The following PCNT variants were observed in gnomAD, a reference collection of about 807,000 sequenced individuals.
PCNT encodes the protein pericentrin.
A neutral mutation model predicts 380.4 loss-of-function variants in PCNT; 319 were observed. The observed-to-expected ratio is 0.84, with a 90% CI of 0.77 to 0.92. PCNT has a LOEUF of 0.92. PCNT is among the 40% of genes least tolerant of loss of function. PCNT has a pLI of 0.00. For synonymous variants in PCNT, 1,845 were observed against 1,735.2 expected, an observed-to-expected ratio of 1.06 and a Z score of -1.57; for missense variants, 4,400 against 4,255.3, an observed-to-expected ratio of 1.03 and a Z score of -0.95.
chr21:46,326,790 G>T (rs1459608706), intron 2 of PCNT, among the ~76,000 whole-genome samples: 1 of 152,096 alleles, frequency 6.6e-6, no homozygotes, highest in Non-Finnish European at 1.5e-5. Context: ...GAGGCAGGCG[G>T]ATCACCTGAG....
In PCNT at chr21:46,416,771, G is replaced by C; in HGVS notation, c.6853G>C (p.Ala2285Pro). Residue 2285 changes from alanine to proline, a missense_variant, in exon 30 of 47, where the codon GCA (alanine) becomes CCA (proline). By Grantham distance (27) the Ala-to-Pro change is conservative. Coordinates refer to ENST00000359568, the MANE Select transcript of PCNT (RefSeq NM_006031.6). ...GLLCSPGVSAAALALQWAESP... is the reference protein window; with the variant it reads ...GLLCSPGVSAPALALQWAESP... ...GCTTTGTTCCCCAGGCGTGTCTGCA[G>C]CAGCGCTGGCACTGCAGTGGGCCGA... 1 of 1,603,410 alleles carries C rather than the reference G, an allele frequency of 6.2e-7. No homozygotes were observed. The highest frequency in any genetic ancestry group is 1.7e-5 in the Admixed American group (1 of 59,734).
At chr21:46,424,913 A>G (rs1456609129) in intron 32 of PCNT, among the ~76,000 whole-genome samples, 1 of 152,130 alleles carries the variant, frequency 6.6e-6, no homozygotes, top group Non-Finnish European at 1.5e-5. Flanking sequence ...TTGGTTTCAC[A>G]CTTTAGTGTT....
intron 31 of PCNT, 137 bp downstream of exon 31, chr21:46,418,443 C>G: frequency 1.5e-6 from 1 of 679,050 alleles, no homozygotes; most frequent in Non-Finnish European, 2.7e-6. Context: ...TGCGCTTTGT[C>G]GGGCGTGCAC....
At chr21:46,349,212 G>A (rs2084180643) in intron 7 of PCNT, 26 bp downstream of exon 7, 1 of 1,592,094 alleles carries the variant, frequency 6.3e-7, no homozygotes, top group Non-Finnish European at 8.6e-7. Flanking sequence ...GAGCAAGTTT[G>A]GAGTGGGACT....
In PCNT at chr21:46,443,847, CAG is replaced by C. The variant is rs1432712043; in HGVS notation, c.9743_9744del (p.Glu3248ValfsTer87). ...ARQPQSPPRT[R>X]ESPPTRDVPS... ...GACAGCCGCAGTCTCCACCCAGAAC[CAG>C]AGAGTCCCCCCCAACCCGGGATGTA... On this transcript the variant is annotated frameshift_variant, in exon 45 of 47. Transcript: ENST00000359568. LOFTEE classifies it high-confidence loss of function. 11 of 1,613,392 alleles carry C rather than the reference CAG, an allele frequency of 6.8e-6. No individual in the cohort carries two copies. Among genetic ancestry groups the C allele is most frequent in the East Asian group, 4.5e-5 (2 of 44,894 alleles).
chr21:46,441,101 T>C lies in PCNT; in HGVS notation c.9623+17T>C. 1 of 1,486,144 alleles carries C rather than the reference T, an allele frequency of 6.7e-7. No individual in the cohort carries two copies. Among genetic ancestry groups the C allele is most frequent in the Non-Finnish European group, 9.4e-7 (1 of 1,063,150 alleles). The allele number at this position is 1,486,144 out of a possible 1,614,324, so 92.1% of individuals were successfully genotyped here. A position where few individuals can be genotyped will look rare whatever the true frequency, so the allele number is the denominator to read the frequency against. On this transcript the variant is annotated intron_variant, in intron 43 of 46. Transcript: ENST00000359568. Reference sequence around the variant, plus strand: ...AATATTAAGGTAAATGCCATGACGTTCAGTCAGTGCGTTCCGCGTCTGTCT... The same window carrying C: ...AATATTAAGGTAAATGCCATGACGTCCAGTCAGTGCGTTCCGCGTCTGTCT...
intron 15 of PCNT, among the ~76,000 whole-genome samples, chr21:46,374,183 C>CG (rs1463939131): frequency 1.3e-5 from 2 of 152,130 alleles, no homozygotes; most frequent in Admixed American, 1.3e-4. Flanking sequence ...AGCAAGCCCC[C>CG]GGTCCCGCTG....
chr21:46,343,290 A>G (rs540708161), intron 3 of PCNT, among the ~76,000 whole-genome samples: 2 of 152,204 alleles, frequency 1.3e-5, no homozygotes, highest in South Asian at 4.2e-4. Flanking sequence ...TTTGTCATGA[A>G]TGGCTTTTAT....
chr21:46,379,202 G>A (rs1257367672), intron 15 of PCNT, among the ~76,000 whole-genome samples: 3 of 152,172 alleles, frequency 2.0e-5, no homozygotes, highest in East Asian at 3.9e-4. Context: ...AGTGCTGCGT[G>A]GGCTCTCCGC....
chr21:46,421,821 G>T (rs1018518437), intron 31 of PCNT, 149 bp from the exon 32 acceptor site: 2 of 865,320 alleles, frequency 2.3e-6, no homozygotes, highest in Admixed American at 2.3e-5. Context: ...CATTTTTGGG[G>T]CCATCAGTGT....
intron 3 of PCNT, among the ~76,000 whole-genome samples, chr21:46,343,220 C>T (rs970742939): frequency 6.6e-6 from 1 of 152,170 alleles, no homozygotes; most frequent in African/African-American, 2.4e-5. Context: ...GCATCCTTGT[C>T]TTTTTCCAGT....
chr21:46,398,933 C>G (rs1278658416), intron 24 of PCNT, among the ~76,000 whole-genome samples: 3 of 151,510 alleles, frequency 2.0e-5, no homozygotes, highest in Non-Finnish European at 2.9e-5. Flanking sequence ...CATTCTCCTG[C>G]CTCAGCCTCC....
At chr21:46,330,704 T>G (rs1354241855) in intron 2 of PCNT, among the ~76,000 whole-genome samples, 4 of 152,232 alleles carry the variant, frequency 2.6e-5, no homozygotes, top group African/African-American at 2.4e-5. Flanking sequence ...GTTGTAGATG[T>G]TAAAATAGGA....
chr21:46,338,286 G>A (rs2083815180), intron 3 of PCNT, among the ~76,000 whole-genome samples: 1 of 152,096 alleles, frequency 6.6e-6, no homozygotes, highest in African/African-American at 2.4e-5. Context: ...GAGGGCCCGT[G>A]TCCTCTTTCT....
At chr21:46,405,860 T>C (rs1367025366) in intron 27 of PCNT, among the ~76,000 whole-genome samples, 1 of 152,222 alleles carries the variant, frequency 6.6e-6, no homozygotes, top group African/African-American at 2.4e-5. Flanking sequence ...CCATTAAGAA[T>C]TGAAAGCTTT....
intron 38 of PCNT, 109 bp downstream of exon 38, chr21:46,432,324 T>A: frequency 9.7e-7 from 1 of 1,027,352 alleles, no homozygotes; most frequent in Non-Finnish European, 1.5e-6. Context: ...TCTGACCTGG[T>A]CTGCTCTGGT....
intron 33 of PCNT, among the ~76,000 whole-genome samples, chr21:46,426,572 C>G (rs1446219103): frequency 6.6e-6 from 1 of 152,174 alleles, no homozygotes; most frequent in South Asian, 2.1e-4. Flanking sequence ...CACTTGTCCC[C>G]CAGGGCCTCT....
At position 46,422,111 on chromosome 21, in the gene PCNT, C is replaced by T. The variant is rs1051767024; in HGVS notation, c.7166C>T (p.Pro2389Leu). ...PEAMKEKEVR[P>L]KHVKALLQMV... ...GCCATGAAGGAGAAGGAAGTGCGTC[C>T]GAAGCACGTGAAGGTATGGCTGGCA... Residue 2389 changes from proline to leucine, a missense_variant, in exon 32 of 47, where the codon CCG (proline) becomes CTG (leucine). Physicochemically the swap from Pro to Leu is moderately conservative, Grantham distance 98. Transcript: ENST00000359568. 8.7e-6 allele frequency: 14 copies of T among 1,613,596 alleles called. No homozygotes were observed. The highest frequency in any genetic ancestry group is 4.0e-5 in the African/African-American group (3 of 74,948).
At chr21:46,392,605 C>T (rs541100661) in intron 21 of PCNT, among the ~76,000 whole-genome samples, 6 of 152,344 alleles carry the variant, frequency 3.9e-5, no homozygotes, top group South Asian at 4.1e-4. Flanking sequence ...GGGTTCAGGT[C>T]GTGCCTCCTC....
Sources: gnomAD v4.1 joint callset for allele counts (sites outside exome capture counted in the v4.1 genomes callset) on GRCh38, gnomAD v4.1.1 for gene constraint, MANE v1.5 for transcripts, NCBI Gene and HGNC (gene_info 2026-07-23, HGNC 2026-07-21) for gene names.